Variants in OPCML observed in about 807,000 individuals in gnomAD.
OPCML encodes opioid-binding protein/cell adhesion molecule.
OPCML carries 13 observed loss-of-function variants against 37.8 expected under a neutral mutation model. The observed-to-expected ratio is 0.34, with a 90% confidence interval of 0.22 to 0.55. OPCML has a LOEUF of 0.55. Ranked by LOEUF, OPCML falls within the 20% of genes least tolerant of loss-of-function variation. The pLI is 0.91. For synonymous variants in OPCML, 176 were observed against 168.8 expected, an observed-to-expected ratio of 1.04 and a Z score of -0.33; for missense variants, 341 against 435.6, an observed-to-expected ratio of 0.78 and a Z score of 1.93.
intron 1 of OPCML, among the ~76,000 whole-genome samples, chr11:132,991,192 C>G (rs1171247549): frequency 1.3e-5 from 2 of 152,166 alleles, no homozygotes; most frequent in Non-Finnish European, 2.9e-5. Flanking sequence ...ATTATTAGAA[C>G]CACAAACTAG....
At chr11:133,363,903 C>T (rs1944478649) in intron 1 of OPCML, among the ~76,000 whole-genome samples, 1 of 152,168 alleles carries the variant, frequency 6.6e-6, no homozygotes, top group African/African-American at 2.4e-5. Flanking sequence ...CAAAGGTATA[C>T]TCCAATCTCA....
intron 1 of OPCML, among the ~76,000 whole-genome samples, chr11:133,097,807 T>C (rs1362646364): frequency 1.3e-5 from 2 of 152,128 alleles, no homozygotes; most frequent in East Asian, 3.9e-4. Context: ...TGCCAAAACT[T>C]ACACAAGAAG....
intron 1 of OPCML, among the ~76,000 whole-genome samples, chr11:132,980,563 G>A (rs1463696093): frequency 6.6e-6 from 1 of 152,182 alleles, no homozygotes; most frequent in African/African-American, 2.4e-5. Flanking sequence ...TTGTAATGAA[G>A]TGTTAGCAAG....
At chr11:133,194,088 T>C (rs1443741954) in intron 1 of OPCML, among the ~76,000 whole-genome samples, 1 of 152,106 alleles carries the variant, frequency 6.6e-6, no homozygotes, top group East Asian at 1.9e-4. Context: ...TAGTTGAGGT[T>C]AGGGGAGAAG....
At chr11:133,057,477 C>G (rs979571164) in intron 1 of OPCML, among the ~76,000 whole-genome samples, 14 of 152,108 alleles carry the variant, frequency 9.2e-5, no homozygotes, top group African/African-American at 3.4e-4. Flanking sequence ...ATACCACCAC[C>G]CCAGCTTCCC....
At chr11:133,397,685 G>C (rs565100976) in intron 1 of OPCML, among the ~76,000 whole-genome samples, 1 of 152,364 alleles carries the variant, frequency 6.6e-6, no homozygotes, top group South Asian at 2.1e-4. Context: ...AAATTCATCA[G>C]CCGAGACAGC....
chr11:133,106,862 C>G (rs1949166765), intron 1 of OPCML, among the ~76,000 whole-genome samples: 1 of 152,222 alleles, frequency 6.6e-6, no homozygotes, highest in South Asian at 2.1e-4. Flanking sequence ...TACCATGCCT[C>G]TCTTGGCCTA....
Position 132,504,594 on chromosome 11 carries a change from A to G in OPCML, c.505+24467T>C, listed in dbSNP as rs539872552. On this transcript the variant is annotated intron_variant, in intron 4 of 7. Coordinates refer to ENST00000524381, the MANE Select transcript of OPCML (RefSeq NM_001012393.5). ...AAGATGCACTTCCCAGGCGGCTTGC[A>G]GGCTCCAGGCTCCAGGCTGGCAGGT... 3.3e-5 allele frequency among the ~76,000 whole-genome samples: 5 copies of G among 151,780 alleles called. No homozygotes were observed. In the South Asian group the frequency reaches 1.0e-3, roughly 32 times the overall value.
chr11:132,987,096 A>C (rs1946693796), intron 1 of OPCML, among the ~76,000 whole-genome samples: 1 of 152,138 alleles, frequency 6.6e-6, no homozygotes, highest in Non-Finnish European at 1.5e-5. Flanking sequence ...TTCTTTCGAC[A>C]ACACTTCCTG....
chr11:133,328,495 G>A (rs192388889), intron 1 of OPCML, among the ~76,000 whole-genome samples: 105 of 152,218 alleles, frequency 6.9e-4, no homozygotes, highest in African/African-American at 2.4e-3. Context: ...AAAATGCATA[G>A]CACAATTCCT....
At position 132,571,289 on chromosome 11, in the gene OPCML, A is replaced by G. The variant is rs146075814; in HGVS notation, c.380-42103T>C. On this transcript the variant is annotated intron_variant, in intron 3 of 7. Coordinates refer to ENST00000524381, the MANE Select transcript of OPCML (RefSeq NM_001012393.5). ...GCTTTTGAGACTTTTGAACTGAGAC[A>G]CTACTGGCTTCTTTCTTCCCCACCT... 7.2e-5 allele frequency among the ~76,000 whole-genome samples: 11 copies of G among 152,164 alleles called. No homozygotes were observed. In the East Asian group the frequency reaches 2.1e-3, roughly 30 times the overall value.
rs1260668434 is a variant in OPCML at position 133,166,905 on chromosome 11, C to CGATA, written c.62-223896_62-223895insTATC. Among the ~76,000 whole-genome samples the CGATA allele has an allele frequency of 2.0e-5, 3 of 152,226 alleles. No individual in the cohort carries two copies. In the East Asian group the frequency reaches 5.8e-4, roughly 29 times the overall value. On this transcript the variant is annotated intron_variant, in intron 1 of 7. Coordinates refer to ENST00000524381, the MANE Select transcript of OPCML (RefSeq NM_001012393.5). Reference sequence around the variant, plus strand: ...TCACTGCCCTTGCATGGCTTGCACGCTATCTAGAAGAAAAGTGTGTGATTA... The same window carrying CGATA: ...TCACTGCCCTTGCATGGCTTGCACGCGATATATCTAGAAGAAAAGTGTGTGATTA...
rs1346155156 is a variant in OPCML at position 133,205,999 on chromosome 11, A to C, written c.62-262989T>G. ...CCCAGCTCCCTGATGGGTGAGATGG[A>C]GATGCTACTACTGCCGTGAGGAATA... On this transcript the variant is annotated intron_variant, in intron 1 of 7. Transcript: ENST00000524381. This position sits in a 1 kb window ranked among gnomAD's most constrained non-coding sequence, Gnocchi z 4.8. Among the ~76,000 whole-genome samples, 1 of 152,188 alleles carries C rather than the reference A, an allele frequency of 6.6e-6. No homozygotes were observed. Among genetic ancestry groups the C allele is most frequent in the Non-Finnish European group, 1.5e-5 (1 of 68,036 alleles).
At chr11:133,421,815 G>A in intron 1 of OPCML, 2 of 968,036 alleles carry the variant, frequency 2.1e-6, no homozygotes, top group Non-Finnish European at 2.5e-6. Context: ...GAGTCCTCAG[G>A]CACCACAGAG....
At chr11:132,580,088 G>A (rs1387448063) in intron 3 of OPCML, among the ~76,000 whole-genome samples, 1 of 152,108 alleles carries the variant, frequency 6.6e-6, no homozygotes, top group Non-Finnish European at 1.5e-5. Flanking sequence ...GAGAGAAGGG[G>A]AACCAGCAAA....
intron 1 of OPCML, among the ~76,000 whole-genome samples, chr11:133,166,774 T>C (rs989950307): frequency 1.3e-5 from 2 of 152,178 alleles, no homozygotes; most frequent in South Asian, 4.1e-4. Flanking sequence ...ATAATTCAGA[T>C]GTGAAACAGA....
intron 1 of OPCML, among the ~76,000 whole-genome samples, chr11:132,984,628 T>C (rs1946651471): frequency 6.6e-6 from 1 of 152,192 alleles, no homozygotes; most frequent in African/African-American, 2.4e-5. Flanking sequence ...TCCAGTATTT[T>C]CCATCGCTAT....
intron 3 of OPCML, among the ~76,000 whole-genome samples, chr11:132,562,488 A>G (rs1028445037): frequency 6.6e-6 from 1 of 152,176 alleles, no homozygotes; most frequent in Admixed American, 6.5e-5. Context: ...CTAGTCCAGA[A>G]CAATGAAAAA....
intron 1 of OPCML, among the ~76,000 whole-genome samples, chr11:133,267,766 G>A (rs571290543): frequency 3.3e-5 from 5 of 152,104 alleles, no homozygotes; most frequent in African/African-American, 7.2e-5. Flanking sequence ...TGCTGTTCTC[G>A]AGATAGTGAA....
Sources: allele counts gnomAD v4.1 joint callset (sites outside exome capture counted in the v4.1 genomes callset), GRCh38; gene constraint gnomAD v4.1.1; non-coding constraint Gnocchi (gnomAD v3.1); transcripts MANE v1.5; gene names NCBI Gene and HGNC (gene_info 2026-07-23, HGNC 2026-07-21).